Variants in SRGAP1 observed in about 807,000 individuals in gnomAD.
The protein encoded by SRGAP1 is SLIT-ROBO Rho GTPase-activating protein 1.
A neutral mutation model predicts 121.9 loss-of-function variants in SRGAP1; 43 were observed. That is an observed-to-expected ratio of 0.35 (90% CI 0.28 to 0.46). The LOEUF is 0.46. Ranked by LOEUF, SRGAP1 falls within the 20% of genes least tolerant of loss-of-function variation. SRGAP1 has a pLI of 1.00. For synonymous variants in SRGAP1, 447 were observed against 485.4 expected, an observed-to-expected ratio of 0.92 and a Z score of 1.04; for missense variants, 1,102 against 1,350.9, an observed-to-expected ratio of 0.82 and a Z score of 2.89.
At position 63,924,677 on chromosome 12, in the gene SRGAP1, C is replaced by CT. The variant is rs557435219; in HGVS notation, c.68-59263dup. 2.3e-3 allele frequency among the ~76,000 whole-genome samples: 347 copies of CT among 152,160 alleles called. 2 individuals are homozygous for CT. Among genetic ancestry groups the CT allele is most frequent in the Middle Eastern group, 0.02 (6 of 294 alleles). ...GACTTTTTGCTTTTGGCAATGCCAC[C>CT]TTTTTTTATTGAGGATTGAAGGAGG... On this transcript the variant is annotated intron_variant, in intron 1 of 21. Coordinates refer to ENST00000355086, the MANE Select transcript of SRGAP1 (RefSeq NM_020762.4).
chr12:64,073,473 T>C (rs2035678521), intron 8 of SRGAP1, among the ~76,000 whole-genome samples: 1 of 152,194 alleles, frequency 6.6e-6, no homozygotes, highest in African/African-American at 2.4e-5. Flanking sequence ...AGATTACAGT[T>C]GTCCCTTGGC....
At chr12:64,108,315 G>A (rs2036378283) in intron 15 of SRGAP1, among the ~76,000 whole-genome samples, 1 of 152,128 alleles carries the variant, frequency 6.6e-6, no homozygotes, top group South Asian at 2.1e-4. Context: ...GGGAAGACGA[G>A]ATAAGGAAAT....
At chr12:63,909,756 G>C (rs958856996) in intron 1 of SRGAP1, among the ~76,000 whole-genome samples, 2 of 152,232 alleles carry the variant, frequency 1.3e-5, no homozygotes, top group African/African-American at 2.4e-5. Flanking sequence ...TTTCTCTAGA[G>C]AAACAGAGCA....
At chr12:64,043,148 T>C (rs1161339921) in intron 5 of SRGAP1, among the ~76,000 whole-genome samples, 176 bp downstream of exon 5, 2 of 152,180 alleles carry the variant, frequency 1.3e-5, no homozygotes, top group Non-Finnish European at 2.9e-5. Flanking sequence ...CAGCTGGACA[T>C]CATTTAGTGG....
intron 1 of SRGAP1, among the ~76,000 whole-genome samples, chr12:63,955,539 G>T (rs1181554731): frequency 1.3e-5 from 2 of 152,018 alleles, no homozygotes; most frequent in Non-Finnish European, 2.9e-5. Flanking sequence ...ATACCCACTT[G>T]ACTGAATAAG....
chr12:63,907,858 T>C (rs760424543), intron 1 of SRGAP1, among the ~76,000 whole-genome samples: 7 of 152,248 alleles, frequency 4.6e-5, no homozygotes, highest in Non-Finnish European at 1.0e-4. Flanking sequence ...TTTAGGCCTC[T>C]GATTTTGTGT....
At chr12:64,075,883 A>C (rs1439627190) in intron 8 of SRGAP1, among the ~76,000 whole-genome samples, 1 of 151,880 alleles carries the variant, frequency 6.6e-6, no homozygotes, top group Non-Finnish European at 1.5e-5. Flanking sequence ...AACTAGTACT[A>C]ATTGCTACTG....
chr12:64,086,739 A>AC (rs1565674761), intron 10 of SRGAP1, among the ~76,000 whole-genome samples: 1 of 151,136 alleles, frequency 6.6e-6, no homozygotes, highest in Non-Finnish European at 1.5e-5. Flanking sequence ...AAAAAAAAAA[A>AC]AAACACAGCC....
chr12:63,938,646 A>G (rs57937852), intron 1 of SRGAP1, among the ~76,000 whole-genome samples: 3,513 of 152,070 alleles, frequency 0.023, 116 homozygotes, highest in African/African-American at 0.079. Context: ...TTATCATGCT[A>G]TTTGCACACA....
chr12:64,097,447 GC>G, intron 15 of SRGAP1, 72 bp downstream of exon 15: 1 of 1,534,700 alleles, frequency 6.5e-7, no homozygotes. Context: ...AAAGGCAGTG[GC>G]CCCCCTCCAT....
In SRGAP1 at chr12:63,990,619, G is replaced by C. The variant is rs80078171; in HGVS notation, c.426+547G>C. The stretch of plus-strand genomic sequence containing the variant: ...AAGTTAGGTATAAGGCATACTTATA[G>C]AGTTATAAGTCAGTGAATCTATGAG... On this transcript the variant is annotated intron_variant, in intron 3 of 21. Coordinates refer to ENST00000355086, the MANE Select transcript of SRGAP1 (RefSeq NM_020762.4). 5.7e-3 allele frequency among the ~76,000 whole-genome samples: 874 copies of C among 152,286 alleles called. 7 individuals are homozygous for C. The highest frequency in any genetic ancestry group is 0.02 in the African/African-American group (832 of 41,564).
Position 64,161,038 on chromosome 12 carries a change from T to C in SRGAP1, c.*18366T>C, listed in dbSNP as rs567403410. 6 of 152,344 alleles carry C rather than the reference T, an allele frequency of 3.9e-5. No homozygotes were observed. The highest frequency in any genetic ancestry group is 1.2e-4 in the African/African-American group (5 of 41,576). The allele number at this position is 152,344 out of a possible 1,614,324, so 9.4% of individuals were successfully genotyped here. On this transcript the variant is annotated 3_prime_UTR_variant, in exon 22 of 22. Transcript: ENST00000355086. ...TTCAGAATATCCTGATGTGGATCTA[T>C]TTTGATTCATTGTACTGAAGACCAT... is the stretch of plus-strand genomic sequence containing the variant.
intron 1 of SRGAP1, among the ~76,000 whole-genome samples, chr12:63,881,735 C>T (rs1900202025): frequency 1.3e-5 from 2 of 152,128 alleles, no homozygotes; most frequent in Admixed American, 1.3e-4. Context: ...CTTTAGAGTA[C>T]CAATAGCAGT....
chr12:64,090,550 G>T (rs2036032359), intron 11 of SRGAP1, among the ~76,000 whole-genome samples: 1 of 152,198 alleles, frequency 6.6e-6, no homozygotes. Context: ...ACTTGCATTG[G>T]TTTGCTGGGC....
chr12:64,035,622 G>C (rs1472358748), intron 4 of SRGAP1, among the ~76,000 whole-genome samples: 2 of 152,160 alleles, frequency 1.3e-5, no homozygotes, highest in Admixed American at 6.5e-5. Flanking sequence ...CAGGCCAAAA[G>C]CATTTCCAAA....
chr12:64,050,981 C>G (rs965301148), intron 6 of SRGAP1, among the ~76,000 whole-genome samples: 1 of 152,198 alleles, frequency 6.6e-6, no homozygotes, highest in Non-Finnish European at 1.5e-5. Flanking sequence ...ACCTCGGCCT[C>G]CCAAAGTGCT....
intron 3 of SRGAP1, among the ~76,000 whole-genome samples, chr12:64,003,898 C>T (rs898124348): frequency 6.6e-6 from 1 of 152,152 alleles, no homozygotes; most frequent in Non-Finnish European, 1.5e-5. Flanking sequence ...TCCATACCTA[C>T]ACACATCATA....
At position 64,054,577 on chromosome 12, in the gene SRGAP1, A is replaced by T. The variant is rs572293477; in HGVS notation, c.802-8340A>T. ...GACATGAACTCCTATTAGGAAGATT[A>T]TGGAGAGATCATGTTAAATGGGTTA... On this transcript the variant is annotated intron_variant, in intron 6 of 21. Coordinates refer to ENST00000355086, the MANE Select transcript of SRGAP1 (RefSeq NM_020762.4). Among the ~76,000 whole-genome samples, 37 of 152,320 alleles carry T rather than the reference A, an allele frequency of 2.4e-4. 1 individual carries two copies. The South Asian group carries it at 4.1e-3, about 17-fold the overall frequency.
chr12:64,034,070 A>G (rs1356869424), intron 4 of SRGAP1, among the ~76,000 whole-genome samples: 1 of 152,148 alleles, frequency 6.6e-6, no homozygotes, highest in Non-Finnish European at 1.5e-5. Flanking sequence ...TTCTTAACAT[A>G]TTCACTGATA....
Sources: gnomAD v4.1 joint callset for allele counts (sites outside exome capture counted in the v4.1 genomes callset) on GRCh38, gnomAD v4.1.1 for gene constraint, MANE v1.5 for transcripts, NCBI Gene and HGNC (gene_info 2026-07-23, HGNC 2026-07-21) for gene names.